The following RBFOX1 variants were observed in gnomAD, a reference collection of about 807,000 sequenced individuals.
The protein encoded by RBFOX1 is RNA binding fox-1 homolog 1.
In RBFOX1, 8 loss-of-function variants were observed where a neutral mutation model predicts 57.7. The ratio of observed to expected loss-of-function variants is 0.14; its 90% confidence interval spans 0.08 to 0.25. The LOEUF (loss-of-function observed/expected upper bound fraction) is 0.25, where lower values mean the gene tolerates loss of function less well. Ranked by LOEUF, RBFOX1 falls within the 10% of genes least tolerant of loss-of-function variation. The pLI is 1.00. For missense variants in RBFOX1, 611 were observed against 548.5 expected (o/e 1.11, Z -1.14); for synonymous variants, 326 against 222.4 (o/e 1.47, Z -4.15).
chr16:6,358,267 A>G (rs1486965766), intron 2 of RBFOX1, among the ~76,000 whole-genome samples: 1 of 152,196 alleles, frequency 6.6e-6, no homozygotes, highest in Non-Finnish European at 1.5e-5. Context: ...AGTTTCTGGC[A>G]TCATGTAATT....
intron 1 of RBFOX1, among the ~76,000 whole-genome samples, chr16:5,241,926 C>T (rs1350739474): frequency 6.6e-6 from 1 of 151,258 alleles, no homozygotes; most frequent in African/African-American, 2.4e-5. Flanking sequence ...CGTGGTGAAG[C>T]CTCGCATCTA....
chr16:7,651,801 T>C (rs1222599173), intron 11 of RBFOX1, among the ~76,000 whole-genome samples: 1 of 152,256 alleles, frequency 6.6e-6, no homozygotes, highest in African/African-American at 2.4e-5. Context: ...GCCTTTGCTG[T>C]GGCTCTCCTG....
chr16:5,686,868 A>G (rs1397578322), intron 3 of RBFOX1, among the ~76,000 whole-genome samples: 1 of 152,162 alleles, frequency 6.6e-6, no homozygotes, highest in African/African-American at 2.4e-5. Flanking sequence ...GCTGAGAATA[A>G]CTACTGTTGA....
chr16:6,826,587 C>G (rs1188320152), intron 3 of RBFOX1, among the ~76,000 whole-genome samples: 1 of 152,144 alleles, frequency 6.6e-6, no homozygotes, highest in Non-Finnish European at 1.5e-5. Flanking sequence ...TGCTCTATTC[C>G]TCCTCTCTTT....
chr16:6,895,444 GTGTGTATATATATATA>G lies in RBFOX1; in HGVS notation c.-15-156611_-15-156596del, dbSNP rs1331079925. Among the ~76,000 whole-genome samples, 286 of 73,466 alleles carry G rather than the reference GTGTGTATATATATATA, an allele frequency of 3.9e-3. 3 individuals are homozygous for G. Among genetic ancestry groups the G allele is most frequent in the African/African-American group, 0.016 (260 of 16,200 alleles). The allele number at this position is 73,466 out of a possible 152,430, so 48.2% of individuals were successfully genotyped here. On this transcript the variant is annotated intron_variant, in intron 3 of 15. Coordinates refer to ENST00000550418, the MANE Select transcript of RBFOX1 (RefSeq NM_018723.4). ...TGTGTGTGTGTGTGTGTGTGTGTGT[GTGTGTATATATATATA>G]TATATATATATATATATATATATAT...
At chr16:7,052,356 T>C (rs1421844856) in intron 4 of RBFOX1, among the ~76,000 whole-genome samples, 1 of 152,232 alleles carries the variant, frequency 6.6e-6, no homozygotes, top group African/African-American at 2.4e-5. Flanking sequence ...CTGGAATTTG[T>C]TTGACATCAT....
chr16:6,211,836 A>G (rs1218057368), intron 1 of RBFOX1, among the ~76,000 whole-genome samples: 2 of 150,230 alleles, frequency 1.3e-5, no homozygotes, highest in Non-Finnish European at 3.0e-5. Context: ...TTATTTATTT[A>G]TTTATTTATT....
At chr16:6,513,240 A>G (rs1225358340) in intron 2 of RBFOX1, among the ~76,000 whole-genome samples, 1 of 152,176 alleles carries the variant, frequency 6.6e-6, no homozygotes, top group African/African-American at 2.4e-5. Flanking sequence ...GAGTTAGTGA[A>G]TGCTGGGCAC....
intron 3 of RBFOX1, among the ~76,000 whole-genome samples, chr16:5,829,183 C>T (rs551348077): frequency 1.3e-5 from 2 of 152,144 alleles, no homozygotes; most frequent in Non-Finnish European, 2.9e-5. Flanking sequence ...AAGCTGCCTG[C>T]CACACTGTGG....
intron 4 of RBFOX1, among the ~76,000 whole-genome samples, chr16:7,516,371 A>G (rs538797079): frequency 9.9e-5 from 15 of 152,026 alleles, no homozygotes; most frequent in African/African-American, 2.9e-4. Flanking sequence ...CTGATGTCCT[A>G]TGGCTCATCT....
At chr16:6,455,368 T>A (rs1202429938) in intron 2 of RBFOX1, among the ~76,000 whole-genome samples, 5 of 152,118 alleles carry the variant, frequency 3.3e-5, no homozygotes, top group South Asian at 4.1e-4. Flanking sequence ...AAGGGAGATG[T>A]CACTCCTGCT....
intron 3 of RBFOX1, among the ~76,000 whole-genome samples, chr16:7,033,972 T>C (rs1357475730): frequency 2.0e-5 from 3 of 152,162 alleles, no homozygotes; most frequent in Non-Finnish European, 4.4e-5. Context: ...CTGTCTAAAA[T>C]GTCTAAAATA....
intron 14 of RBFOX1, among the ~76,000 whole-genome samples, chr16:7,686,753 A>G (rs1318175396): frequency 6.6e-6 from 1 of 152,124 alleles, no homozygotes; most frequent in Admixed American, 6.6e-5. Flanking sequence ...CTTATATGCA[A>G]CAAAGCATGG....
intron 1 of RBFOX1, among the ~76,000 whole-genome samples, chr16:6,231,212 GTGTT>G (rs2097456751): frequency 9.7e-6 from 1 of 103,448 alleles, no homozygotes. Context: ...GTGTGTGTAT[GTGTT>G]TGTGTGTGTG....
chr16:7,133,737 G>A (rs1216167356), intron 4 of RBFOX1, among the ~76,000 whole-genome samples: 3 of 152,014 alleles, frequency 2.0e-5, no homozygotes, highest in African/African-American at 4.8e-5. Flanking sequence ...TTCTTTAGAC[G>A]TAGAATAACA....
intron 4 of RBFOX1, among the ~76,000 whole-genome samples, chr16:7,089,668 G>A (rs1244321355): frequency 6.6e-6 from 1 of 152,138 alleles, no homozygotes; most frequent in Non-Finnish European, 1.5e-5. Context: ...TCAAAGCAGA[G>A]GAAAAATGAT....
At chr16:7,100,989 C>G (rs8050900) in intron 4 of RBFOX1, among the ~76,000 whole-genome samples, 5,865 of 152,084 alleles carry the variant, frequency 0.039, 392 homozygotes, top group African/African-American at 0.13. Flanking sequence ...TGAGGAAACA[C>G]TCAGAGATAT....
At chr16:7,667,389 C>G (rs949013946) in intron 13 of RBFOX1, among the ~76,000 whole-genome samples, 1 of 152,170 alleles carries the variant, frequency 6.6e-6, no homozygotes, top group Admixed American at 6.5e-5. Flanking sequence ...TTCATCCTAG[C>G]TAGAAATATA....
chr16:5,785,806 C>A (rs1035995841), intron 3 of RBFOX1, among the ~76,000 whole-genome samples: 3 of 152,162 alleles, frequency 2.0e-5, no homozygotes, highest in Non-Finnish European at 4.4e-5. Context: ...GGATTATAGA[C>A]ATGAGCCTCT....
Sources: gnomAD v4.1 joint callset for allele counts (sites outside exome capture counted in the v4.1 genomes callset) on GRCh38, gnomAD v4.1.1 for gene constraint, MANE v1.5 for transcripts, NCBI Gene and HGNC (gene_info 2026-07-23, HGNC 2026-07-21) for gene names.